TAFA2: variants seen among roughly 807,000 people sequenced by gnomAD.
The protein encoded by TAFA2 is chemokine-like protein TAFA-2.
TAFA2 carries 7 observed loss-of-function variants against 18.8 expected under a neutral mutation model. The ratio of observed to expected loss-of-function variants is 0.37; its 90% CI spans 0.21 to 0.70. The LOEUF (loss-of-function observed/expected upper bound fraction) is 0.70. Among genes scored for constraint, TAFA2 ranks in the 30% least tolerant of loss-of-function variants. The pLI, the probability that TAFA2 is intolerant of heterozygous loss-of-function variation, is 0.53. For synonymous variants in TAFA2, 60 were observed against 54.2 expected, an observed-to-expected ratio of 1.11 and a Z score of -0.47; for missense variants, 122 against 158.1, an observed-to-expected ratio of 0.77 and a Z score of 1.23.
At position 62,209,892 on chromosome 12, in the gene TAFA2, C is replaced by T. The variant is rs2062706567; in HGVS notation, c.-130+48871G>A. Among the ~76,000 whole-genome samples, 3 of 152,126 alleles carry T rather than the reference C, an allele frequency of 2.0e-5. No individual in the cohort carries two copies. The South Asian group carries it at 6.2e-4, about 31-fold the overall frequency. ...TTAAAGATTAAGTAACTTGCCCAAG[C>T]AATTAAGTTAAAAAATAAGGGCATC... On this transcript the variant is annotated intron_variant, in intron 1 of 5. Transcript: ENST00000551619.
intron 1 of TAFA2, among the ~76,000 whole-genome samples, chr12:62,236,693 C>T (rs2062839295): frequency 6.6e-6 from 1 of 152,154 alleles, no homozygotes. Flanking sequence ...AAGACTTTAT[C>T]TCTGCTTTAT....
At chr12:61,872,957 A>C (rs1289490058) in intron 1 of TAFA2, among the ~76,000 whole-genome samples, 1 of 152,164 alleles carries the variant, frequency 6.6e-6, no homozygotes, top group Non-Finnish European at 1.5e-5. Context: ...CATTTGTATA[A>C]GTGTCTATTT....
At chr12:61,747,459 C>G (rs1416810846) in intron 4 of TAFA2, among the ~76,000 whole-genome samples, 1 of 145,790 alleles carries the variant, frequency 6.9e-6, no homozygotes, top group Non-Finnish European at 1.5e-5. Context: ...AGACTTGGAA[C>G]CAACCCAAAT....
chr12:62,197,073 T>C (rs887886547), upstream of TAFA2, among the ~76,000 whole-genome samples: 1 of 152,170 alleles, frequency 6.6e-6, no homozygotes, highest in African/African-American at 2.4e-5. Flanking sequence ...TGAACCCTAT[T>C]GTAAACTGCA....
chr12:62,018,546 C>T (rs1385807013), intron 1 of TAFA2, among the ~76,000 whole-genome samples: 1 of 152,122 alleles, frequency 6.6e-6, no homozygotes, highest in Admixed American at 6.5e-5. Context: ...TGATCTTTGA[C>T]AAACCTCACA....
At chr12:62,022,377 A>G (rs997493803) in intron 1 of TAFA2, among the ~76,000 whole-genome samples, 1 of 152,166 alleles carries the variant, frequency 6.6e-6, no homozygotes, top group Non-Finnish European at 1.5e-5. Context: ...ATGTAATGCC[A>G]TTTTCTTCCA....
intron 2 of TAFA2, among the ~76,000 whole-genome samples, chr12:61,836,429 C>T (rs1872921656): frequency 6.6e-6 from 1 of 151,814 alleles, no homozygotes; most frequent in South Asian, 2.1e-4. Context: ...ACATTATAAA[C>T]TCTATTCAAA....
intron 1 of TAFA2, among the ~76,000 whole-genome samples, chr12:62,062,815 C>T (rs1469574006): frequency 6.6e-6 from 1 of 152,070 alleles, no homozygotes; most frequent in Non-Finnish European, 1.5e-5. Flanking sequence ...GTGGAGGTAA[C>T]CATTTTCCTG....
At chr12:61,895,732 G>A (rs755259597) in intron 1 of TAFA2, among the ~76,000 whole-genome samples, 5 of 152,092 alleles carry the variant, frequency 3.3e-5, no homozygotes, top group Admixed American at 2.0e-4. Context: ...TCTCATCTTC[G>A]TATCACAGGA....
intron 1 of TAFA2, among the ~76,000 whole-genome samples, chr12:62,017,437 G>C (rs986352350): frequency 3.3e-5 from 5 of 152,088 alleles, no homozygotes; most frequent in African/African-American, 1.2e-4. Flanking sequence ...TATACAAGAT[G>C]CTGTGGCAGC....
intron 1 of TAFA2, among the ~76,000 whole-genome samples, chr12:62,016,410 C>T (rs1880938199): frequency 6.6e-6 from 1 of 152,104 alleles, no homozygotes; most frequent in African/African-American, 2.4e-5. Flanking sequence ...AATTTTTACC[C>T]CTCAAGTTAA....
At chr12:61,801,518 T>C (rs1871396651) in intron 2 of TAFA2, among the ~76,000 whole-genome samples, 1 of 152,036 alleles carries the variant, frequency 6.6e-6, no homozygotes, top group African/African-American at 2.4e-5. Flanking sequence ...AAGAACACTC[T>C]CTTCAATAAA....
chr12:61,879,922 G>A, intron 1 of TAFA2: 2 of 900,696 alleles, frequency 2.2e-6, no homozygotes, highest in Non-Finnish European at 3.7e-6. Flanking sequence ...AGAAGGATGT[G>A]GATGAAGCTT....
intron 1 of TAFA2, among the ~76,000 whole-genome samples, chr12:62,126,225 T>C (rs907857712): frequency 6.6e-6 from 1 of 152,108 alleles, no homozygotes; most frequent in African/African-American, 2.4e-5. Context: ...GATGAAAAGA[T>C]GAAAAAGATT....
intron 1 of TAFA2, among the ~76,000 whole-genome samples, chr12:62,004,789 C>T (rs992543861): frequency 2.0e-5 from 3 of 151,900 alleles, no homozygotes; most frequent in East Asian, 1.9e-4. Flanking sequence ...AAGTGTCTAT[C>T]GACGGGTGAA....
chr12:62,169,618 G>A (rs191190384), intron 1 of TAFA2, among the ~76,000 whole-genome samples: 10 of 152,244 alleles, frequency 6.6e-5, no homozygotes, highest in African/African-American at 9.6e-5. Context: ...TTGGGAGGCC[G>A]AGGCGGGCAG....
intron 1 of TAFA2, among the ~76,000 whole-genome samples, chr12:62,079,381 C>T (rs981429147): frequency 1.3e-5 from 2 of 151,740 alleles, no homozygotes; most frequent in South Asian, 2.1e-4. Flanking sequence ...GGCCGGGCGC[C>T]GTGGCTCACA....
At chr12:61,905,009 G>C (rs1876282446) in intron 1 of TAFA2, among the ~76,000 whole-genome samples, 1 of 152,142 alleles carries the variant, frequency 6.6e-6, no homozygotes, top group South Asian at 2.1e-4. Context: ...AAAGCAGTCA[G>C]AGGAAAGCTT....
chr12:62,240,452 A>G (rs532427107), intron 1 of TAFA2, among the ~76,000 whole-genome samples: 2 of 152,122 alleles, frequency 1.3e-5, no homozygotes, highest in South Asian at 4.1e-4. Context: ...TAATTAATTT[A>G]CTGTATAGTA....
Sources: gnomAD v4.1 joint callset for allele counts (sites outside exome capture counted in the v4.1 genomes callset) on GRCh38, gnomAD v4.1.1 for gene constraint, MANE v1.5 for transcripts, NCBI Gene and HGNC (gene_info 2026-07-23, HGNC 2026-07-21) for gene names.